MAPKBP1: variants seen among roughly 807,000 people sequenced by gnomAD.
MAPKBP1 encodes mitogen-activated protein kinase-binding protein 1.
Under a neutral mutation model 170.5 loss-of-function variants are expected in MAPKBP1, and 71 were observed. The observed-to-expected ratio is 0.42, with a 90% CI of 0.34 to 0.51. The LOEUF (loss-of-function observed/expected upper bound fraction) is 0.51, where lower values mean the gene tolerates loss of function less well. MAPKBP1 is among the 20% of genes least tolerant of loss of function. The pLI is 0.06. For missense variants in MAPKBP1, 1,598 were observed against 1,933.0 expected (o/e 0.83, Z 3.25); for synonymous variants, 719 against 757.9 (o/e 0.95, Z 0.84).
chr15:41,799,917 A>G lies in MAPKBP1; in HGVS notation c.206+3A>G. ...GGTTTAGTTGCTTACCCAGCAGGGTAAGTAAGCGCCTTGGAAGAGATCTTG... is the reference window on the plus strand; with the variant it reads ...GGTTTAGTTGCTTACCCAGCAGGGTGAGTAAGCGCCTTGGAAGAGATCTTG... On this transcript the variant is annotated splice_donor_region_variant and intron_variant, in intron 3 of 30. Transcript: ENST00000457542. 2 of 1,613,900 alleles carry G rather than the reference A, an allele frequency of 1.2e-6. No homozygotes were observed. Among genetic ancestry groups the G allele is most frequent in the Admixed American group, 1.7e-5 (1 of 60,026 alleles).
chr15:41,822,929 C>A lies in MAPKBP1; in HGVS notation c.3315-10C>A. The A allele has an allele frequency of 6.3e-7, 1 of 1,592,130 alleles. No homozygotes were observed. Among genetic ancestry groups the A allele is most frequent in the South Asian group, 1.1e-5 (1 of 88,928 alleles). On this transcript the variant is annotated splice_polypyrimidine_tract_variant and intron_variant, in intron 27 of 30. Coordinates refer to ENST00000457542, the MANE Select transcript of MAPKBP1 (RefSeq NM_014994.3). Reference sequence around the variant, plus strand: ...TTCTCTGGGCCTTCTCCCACATGTTCTCCCTGTAGGGAACCATCCCCATCC... The same window carrying A: ...TTCTCTGGGCCTTCTCCCACATGTTATCCCTGTAGGGAACCATCCCCATCC...
intron 4 of MAPKBP1, 54 bp downstream of exon 4, chr15:41,810,999 G>A: frequency 6.2e-7 from 1 of 1,603,788 alleles, no homozygotes; most frequent in Admixed American, 1.7e-5. Flanking sequence ...CTATGAGAAG[G>A]GCACTGTCTA....
In MAPKBP1 at chr15:41,821,991, G is replaced by C. The variant is rs142133358; in HGVS notation, c.2912G>C (p.Arg971Pro). The C allele has an allele frequency of 4.3e-6, 7 of 1,610,122 alleles. No homozygotes were observed. The highest frequency in any genetic ancestry group is 1.1e-5 in the South Asian group (1 of 90,228). ...TSEFQVQAPA[R>P]GTLGRVYPGS... is the part of the protein sequence containing the mutation. ...GAGTTCCAAGTGCAGGCTCCAGCCC[G>C]GGGAACTCTGGGAAGAGTGTACCCA... is the stretch of plus-strand genomic sequence containing the variant. Residue 971 changes from arginine (R) to proline (P), a missense_variant, in exon 25 of 31, where the codon CGG becomes CCG. This residue lies in a region of MAPKBP1 where 942 missense variants were observed against 953.2 expected (regional missense o/e 0.99). Transcript: ENST00000457542.
chr15:41,807,573 A>G (rs1049517650), intron 3 of MAPKBP1, among the ~76,000 whole-genome samples: 1 of 152,222 alleles, frequency 6.6e-6, no homozygotes, highest in East Asian at 1.9e-4. Context: ...CATTCAGACT[A>G]GAGCCTTTGC....
At chr15:41,796,136 G>A (rs750084352) in intron 2 of MAPKBP1, among the ~76,000 whole-genome samples, 5 of 152,136 alleles carry the variant, frequency 3.3e-5, no homozygotes, top group Non-Finnish European at 7.3e-5. Context: ...GGTGTAAGTC[G>A]TCCTGCGGTG....
At position 41,818,342 on chromosome 15, in the gene MAPKBP1, C is replaced by T; in HGVS notation, c.2092+37C>T. The T allele has an allele frequency of 6.5e-7, 1 of 1,543,858 alleles. No individual in the cohort carries two copies. The highest frequency in any genetic ancestry group is 9.0e-7 in the Non-Finnish European group (1 of 1,116,596). On this transcript the variant is annotated intron_variant, in intron 18 of 30. Coordinates refer to ENST00000457542, the MANE Select transcript of MAPKBP1 (RefSeq NM_014994.3). This position sits in a 1 kb window ranked among gnomAD's most constrained non-coding sequence, Gnocchi z 5.2. ...CTGAATCCCCGAGTAGAAGCTGATA[C>T]CTGCGTAAACCTGAGTGAGTTCCAC...
chr15:41,816,829 A>C, intron 13 of MAPKBP1, 81 bp from the exon 14 acceptor site: 1 of 1,544,056 alleles, frequency 6.5e-7, no homozygotes, highest in Non-Finnish European at 8.8e-7. Context: ...TATGGGGCTC[A>C]GTTCCCTTGG....
intron 22 of MAPKBP1, 104 bp downstream of exon 22, chr15:41,819,754 G>A: frequency 8.5e-7 from 1 of 1,180,196 alleles, no homozygotes; most frequent in South Asian, 1.4e-5. Context: ...CATGGGGTCT[G>A]CCCACATGCT....
At chr15:41,799,717 G>A (rs2064556562) in intron 2 of MAPKBP1, 106 bp from the exon 3 acceptor site, 1 of 780,458 alleles carries the variant, frequency 1.3e-6, no homozygotes, top group Admixed American at 2.1e-5. Flanking sequence ...GAAAACATGG[G>A]TGTCTGGAAA....
chr15:41,791,631 G>A (rs778485782), intron 2 of MAPKBP1, among the ~76,000 whole-genome samples: 3 of 152,192 alleles, frequency 2.0e-5, no homozygotes, highest in Non-Finnish European at 4.4e-5. Context: ...CTCTGGGACC[G>A]CTTGGGATCT....
At chr15:41,788,172 T>G (rs1596067545) in intron 2 of MAPKBP1, among the ~76,000 whole-genome samples, 2 of 151,952 alleles carry the variant, frequency 1.3e-5, no homozygotes, top group Non-Finnish European at 2.9e-5. Flanking sequence ...TGGCCAGGCT[T>G]GTCTTGAACT....
At chr15:41,796,748 T>C (rs1033138090) in intron 2 of MAPKBP1, among the ~76,000 whole-genome samples, 2 of 152,120 alleles carry the variant, frequency 1.3e-5, no homozygotes, top group Non-Finnish European at 2.9e-5. Flanking sequence ...CTGAGAGTCC[T>C]AGGAGGAAAA....
In MAPKBP1 at chr15:41,823,443, G is replaced by A. The variant is rs1300267496; in HGVS notation, c.3599-4G>A. The A allele has an allele frequency of 6.2e-7, 1 of 1,607,928 alleles. No homozygotes were observed. The highest frequency in any genetic ancestry group is 1.1e-5 in the South Asian group (1 of 90,738). ...ACCTGTGTATACCTCTGTCTCCTTT[G>A]CAGAAAGACATGAGGCCAGTCTGCA... On this transcript the variant is annotated splice_region_variant and splice_polypyrimidine_tract_variant and intron_variant, in intron 28 of 30. Transcript: ENST00000457542.
At chr15:41,804,019 T>C (rs1208041539) in intron 3 of MAPKBP1, among the ~76,000 whole-genome samples, 2 of 152,152 alleles carry the variant, frequency 1.3e-5, no homozygotes, top group African/African-American at 4.8e-5. Flanking sequence ...TTTGTATTTT[T>C]AGTAGAGATG....
chr15:41,813,388 T>G, intron 8 of MAPKBP1: 1 of 1,520,700 alleles, frequency 6.6e-7, no homozygotes, highest in Non-Finnish European at 9.1e-7. Flanking sequence ...TCATGCTATT[T>G]CTTTCTCTTC....
At chr15:41,775,059 G>A in intron 1 of MAPKBP1, 108 bp from the exon 2 acceptor site, 1 of 559,582 alleles carries the variant, frequency 1.8e-6, no homozygotes, top group Non-Finnish European at 3.2e-6. Flanking sequence ...AGGGCTAGAA[G>A]GTGGGGATGA....
intron 2 of MAPKBP1, among the ~76,000 whole-genome samples, chr15:41,781,512 G>A (rs1183816830): frequency 6.6e-6 from 1 of 151,458 alleles, no homozygotes; most frequent in African/African-American, 2.4e-5. Flanking sequence ...GCATGGTGGT[G>A]CACACCTATA....
At position 41,823,933 on chromosome 15, in the gene MAPKBP1, CCT is replaced by C; in HGVS notation, c.4086_4087del (p.Ala1364ProfsTer13). On this transcript the variant is annotated frameshift_variant, in exon 29 of 31. Coordinates refer to ENST00000457542, the MANE Select transcript of MAPKBP1 (RefSeq NM_014994.3). LOFTEE classifies it high-confidence loss of function. ...CAGGCTCATCCTGGGCCCAGCAGCC[CCT>C]GTGCCCAGCAACTGCCAGTCAGCAG... is the stretch of plus-strand genomic sequence containing the variant. 6.2e-7 allele frequency: 1 copy of C among 1,614,108 alleles called. No homozygotes were observed. Among genetic ancestry groups the C allele is most frequent in the Non-Finnish European group, 8.5e-7 (1 of 1,180,020 alleles).
In MAPKBP1 at chr15:41,825,245, C is replaced by T. The variant is rs917486599; in HGVS notation, c.4336C>T (p.Arg1446Trp). 4.4e-6 allele frequency: 7 copies of T among 1,600,906 alleles called. No homozygotes were observed. The highest frequency in any genetic ancestry group is 1.3e-5 in the African/African-American group (1 of 74,730). Reference protein sequence around the residue: ...GCKMPSAEQSRIAQLLRDTFS... With the variant: ...GCKMPSAEQSWIAQLLRDTFS... ...CAAGATGCCCTCAGCAGAGCAAAGTCGGATTGCCCAGCTCCTCAGAGACAC... is the reference window on the plus strand; with the variant it reads ...CAAGATGCCCTCAGCAGAGCAAAGTTGGATTGCCCAGCTCCTCAGAGACAC... The change falls in exon 31 of 31, where the codon CGG (arginine) becomes TGG (tryptophan). Residue 1446 changes from arginine to tryptophan, a missense_variant. Coordinates refer to ENST00000457542, the MANE Select transcript of MAPKBP1 (RefSeq NM_014994.3).
Sources: allele counts gnomAD v4.1 joint callset (sites outside exome capture counted in the v4.1 genomes callset), GRCh38; gene constraint gnomAD v4.1.1; regional missense constraint gnomAD v4.1.1; non-coding constraint Gnocchi (gnomAD v3.1); transcripts MANE v1.5; gene names NCBI Gene and HGNC (gene_info 2026-07-23, HGNC 2026-07-21).